Variants in GOT2 observed in about 807,000 individuals in gnomAD.
GOT2 encodes glutamic-oxaloacetic transaminase 2, also known as aspartate aminotransferase, mitochondrial.
In GOT2, 17 loss-of-function variants were observed where a neutral mutation model predicts 50.0. That is an observed-to-expected ratio of 0.34 (90% CI 0.23 to 0.51). The LOEUF (loss-of-function observed/expected upper bound fraction) is 0.51. GOT2 is among the 20% of genes least tolerant of loss of function. The probability of loss-of-function intolerance (pLI) is 0.97; values close to 1 mark genes in which losing one functional copy is unlikely to be tolerated. For synonymous variants in GOT2, 172 were observed against 204.9 expected, an observed-to-expected ratio of 0.84 and a Z score of 1.37; for missense variants, 430 against 559.6, an observed-to-expected ratio of 0.77 and a Z score of 2.34.
At chr16:58,729,406 A>G (rs1597706595) in intron 1 of GOT2, among the ~76,000 whole-genome samples, 1 of 150,242 alleles carries the variant, frequency 6.7e-6, no homozygotes, top group Non-Finnish European at 1.5e-5. Context: ...TCTTGCCTGT[A>G]GTCCCAGCTA....
chr16:58,730,678 C>T lies in GOT2; in HGVS notation c.89+3462G>A, dbSNP rs570584353. Among the ~76,000 whole-genome samples, 36 of 152,252 alleles carry T rather than the reference C, an allele frequency of 2.4e-4. 1 individual carries two copies. In the South Asian group the frequency reaches 7.3e-3, roughly 31 times the overall value. ...CGGCACCTGGCCTAGAGGGAATACT[C>T]AATTTGATTAGCCCCACATTAGTAA... is the stretch of plus-strand genomic sequence containing the variant. On this transcript the variant is annotated intron_variant, in intron 1 of 9. Coordinates refer to ENST00000245206, the MANE Select transcript of GOT2 (RefSeq NM_002080.4).
At chr16:58,728,535 G>T (rs780182288) in intron 1 of GOT2, among the ~76,000 whole-genome samples, 1 of 152,220 alleles carries the variant, frequency 6.6e-6, no homozygotes, top group South Asian at 2.1e-4. Flanking sequence ...AATTCAAGGA[G>T]CATATGCAGC....
chr16:58,733,477 G>GA (rs564376218), intron 1 of GOT2, among the ~76,000 whole-genome samples: 1 of 151,890 alleles, frequency 6.6e-6, no homozygotes, highest in Admixed American at 6.5e-5. Context: ...GGGCAATAAG[G>GA]AAAAAACAAA....
chr16:58,728,973 T>C (rs1330547580), intron 1 of GOT2, among the ~76,000 whole-genome samples: 1 of 152,212 alleles, frequency 6.6e-6, no homozygotes, highest in East Asian at 1.9e-4. Flanking sequence ...AGGCGTGAGC[T>C]ACCGCACCCG....
Position 58,707,827 on chromosome 16 carries a change from G to C in GOT2, c.*344C>G, listed in dbSNP as rs1417607587. The C allele has an allele frequency of 5.6e-6, 1 of 177,062 alleles. No individual in the cohort carries two copies. Among genetic ancestry groups the C allele is most frequent in the African/African-American group, 2.4e-5 (1 of 42,026 alleles). The allele number at this position is 177,062 out of a possible 1,614,324, so 11.0% of individuals were successfully genotyped here. ...TCTAACGTGTGCTGTTTCTCACGAG[G>C]AACCTGACACTTCAGTTAAAGCTTC... On this transcript the variant is annotated 3_prime_UTR_variant, in exon 10 of 10. Coordinates refer to ENST00000245206, the MANE Select transcript of GOT2 (RefSeq NM_002080.4).
At chr16:58,727,997 T>C (rs257620) in intron 1 of GOT2, among the ~76,000 whole-genome samples, 105,313 of 151,932 alleles carry the variant, frequency 0.69, 37,051 homozygotes, top group Middle Eastern at 0.86. Context: ...GTTCTCTTAA[T>C]GTACTTGTGG....
At chr16:58,718,079 G>A in intron 6 of GOT2, 117 bp downstream of exon 6, 2 of 778,428 alleles carry the variant, frequency 2.6e-6, no homozygotes. Context: ...TTATCCACCT[G>A]TGTGGACATT....
At chr16:58,716,509 T>C in intron 7 of GOT2, 154 bp downstream of exon 7, 1 of 684,178 alleles carries the variant, frequency 1.5e-6, no homozygotes, top group South Asian at 2.0e-5. Flanking sequence ...CAGTAAAATC[T>C]ACGATACTGG....
rs1270209304 is a variant in GOT2, at chr16:58,722,135, G to A, written c.375+15C>T. 1.9e-6 allele frequency: 3 copies of A among 1,611,512 alleles called. No homozygotes were observed. Among genetic ancestry groups the A allele is most frequent in the Non-Finnish European group, 2.5e-6 (3 of 1,179,550 alleles). On this transcript the variant is annotated intron_variant, in intron 3 of 9. Transcript: ENST00000245206. ...AAAACAGACCTGGGATGATGCCAGA[G>A]CCTGCTCAGCTTACCCGGCCACTCT...
chr16:58,709,470 G>A lies in GOT2; in HGVS notation c.1117C>T (p.His373Tyr), dbSNP rs768293796. The A allele has an allele frequency of 6.2e-7, 1 of 1,614,032 alleles. No individual in the cohort carries two copies. Among genetic ancestry groups the A allele is most frequent in the South Asian group, 1.1e-5 (1 of 91,080 alleles). Reference sequence around the variant, plus strand: ...AACATGCCAATTTGGTCGGTGATGTGTTGCCAATTGTGGGTGGAACCCTCC... The same window carrying A: ...AACATGCCAATTTGGTCGGTGATGTATTGCCAATTGTGGGTGGAACCCTCC... Reference protein sequence around the residue: ...KKEGSTHNWQHITDQIGMFCF... With the variant: ...KKEGSTHNWQYITDQIGMFCF... The change falls in exon 9 of 10, where the codon CAC becomes TAC. Residue 373 changes from histidine (H) to tyrosine (Y), a missense_variant. His to Tyr is a moderately conservative substitution (Grantham distance 83). Coordinates refer to ENST00000245206, the MANE Select transcript of GOT2 (RefSeq NM_002080.4).
At chr16:58,711,237 C>T (rs1015224531) in intron 8 of GOT2, among the ~76,000 whole-genome samples, 10 of 152,076 alleles carry the variant, frequency 6.6e-5, no homozygotes, top group Admixed American at 5.2e-4. Flanking sequence ...GTATGGAATA[C>T]GGCCACAAAA....
Position 58,709,570 on chromosome 16 carries a change from G to A in GOT2, c.1020-3C>T, listed in dbSNP as rs1220554197. 1.2e-6 allele frequency: 2 copies of A among 1,606,488 alleles called. No homozygotes were observed. Among genetic ancestry groups the A allele is most frequent in the East Asian group, 4.5e-5 (2 of 44,644 alleles). ...CCATGACTTTCACTTCTTGCAGCCT[G>A]TAAAGAAACCCTGAGATGCAGCTCA... is the stretch of plus-strand genomic sequence containing the variant. On this transcript the variant is annotated splice_region_variant and splice_polypyrimidine_tract_variant and intron_variant, in intron 8 of 9. Transcript: ENST00000245206.
chr16:58,723,512 A>G (rs1395524823), intron 2 of GOT2, among the ~76,000 whole-genome samples: 1 of 152,194 alleles, frequency 6.6e-6, no homozygotes, highest in Admixed American at 6.5e-5. Flanking sequence ...TGTCTGTTTT[A>G]TAGATGATCA....
chr16:58,708,032 A>C lies in GOT2; in HGVS notation c.*139T>G. The C allele has an allele frequency of 1.3e-6, 1 of 767,834 alleles. No homozygotes were observed. Among genetic ancestry groups the C allele is most frequent in the South Asian group, 2.1e-5 (1 of 48,600 alleles). 47.6% of individuals were successfully genotyped at this position (767,834 alleles called of 1,614,324 possible). ...ACATGTTCTTTTCTGAGAAACATTC[A>C]AATGCTGAGTGTTACACACTGTGGC... is the stretch of plus-strand genomic sequence containing the variant. On this transcript the variant is annotated 3_prime_UTR_variant, in exon 10 of 10. Transcript: ENST00000245206.
chr16:58,730,717 C>T (rs2044828611), intron 1 of GOT2, among the ~76,000 whole-genome samples: 1 of 152,162 alleles, frequency 6.6e-6, no homozygotes. Flanking sequence ...TCTTTCAACT[C>T]CTCCATGCCT....
intron 7 of GOT2, 179 bp from the exon 8 acceptor site, chr16:58,716,358 T>C: frequency 1.6e-6 from 1 of 629,274 alleles, no homozygotes; most frequent in Admixed American, 3.3e-5. Flanking sequence ...AAGTTTTGAG[T>C]ACTCAGAGTA....
At chr16:58,728,889 G>A (rs2044808983) in intron 1 of GOT2, among the ~76,000 whole-genome samples, 1 of 152,092 alleles carries the variant, frequency 6.6e-6, no homozygotes, top group South Asian at 2.1e-4. Flanking sequence ...GTTTTGCCAT[G>A]TTGGCCAGGC....
At chr16:58,712,460 G>A (rs2044656466) in intron 8 of GOT2, among the ~76,000 whole-genome samples, 1 of 152,164 alleles carries the variant, frequency 6.6e-6, no homozygotes, top group South Asian at 2.1e-4. Context: ...GCAGTGAGCT[G>A]AGATTGTGCC....
chr16:58,718,587 A>G lies in GOT2; in HGVS notation c.537T>C (p.Tyr179=). 6.2e-7 allele frequency: 1 copy of G among 1,610,944 alleles called. No homozygotes were observed. Among genetic ancestry groups the G allele is most frequent in the Non-Finnish European group, 8.5e-7 (1 of 1,178,310 alleles). ...FRDAGMQLQG[Y]RYYDPKTCGF... is the part of the protein sequence containing the mutation. ...CGCAAGTCTTGGGGTCATAATACCG[A>G]TAACCTTGTAGCTGCATGCCAGCAT... Residue 179 remains tyrosine (Y), a synonymous_variant, in exon 5 of 10, where the codon TAT becomes TAC. Coordinates refer to ENST00000245206, the MANE Select transcript of GOT2 (RefSeq NM_002080.4).
Sources: gnomAD v4.1 joint callset for allele counts (sites outside exome capture counted in the v4.1 genomes callset) on GRCh38, gnomAD v4.1.1 for gene constraint, MANE v1.5 for transcripts, NCBI Gene and HGNC (gene_info 2026-07-23, HGNC 2026-07-21) for gene names.